Variants in PKD1L1 observed in about 807,000 individuals in gnomAD.
The protein encoded by PKD1L1 is polycystin-1-like protein 1.
Under a neutral mutation model 323.4 loss-of-function variants are expected in PKD1L1, and 236 were observed. That is an observed-to-expected ratio of 0.73 (90% CI 0.66 to 0.81). PKD1L1 has a LOEUF of 0.81. PKD1L1 is among the 40% of genes least tolerant of loss of function. The probability of loss-of-function intolerance (pLI) is 0.00; values close to 1 mark genes in which losing one functional copy is unlikely to be tolerated. For synonymous variants in PKD1L1, 1,344 were observed against 1,335.0 expected (o/e 1.01, Z -0.15); for missense variants, 3,320 against 3,508.0 (o/e 0.95, Z 1.35).
chr7:47,801,804 G>C (rs753832246), intron 53 of PKD1L1, among the ~76,000 whole-genome samples: 1 of 152,194 alleles, frequency 6.6e-6, no homozygotes, highest in East Asian at 1.9e-4. Context: ...GTCTCCCCTT[G>C]ATGCCTATGC....
Position 47,902,650 on chromosome 7 carries a change from C to G in PKD1L1, c.1932-139G>C. 4 of 1,063,686 alleles carry G rather than the reference C, an allele frequency of 3.8e-6. No homozygotes were observed. The South Asian group carries it at 6.6e-5, about 18-fold the overall frequency. 65.9% of individuals were successfully genotyped at this position (1,063,686 alleles called of 1,614,324 possible). Reference sequence around the variant, plus strand: ...ATCCCATGAATAAGAACAGAAGAGTCAAGGGTCACAAGACTGATTTCCACA... The same window carrying G: ...ATCCCATGAATAAGAACAGAAGAGTGAAGGGTCACAAGACTGATTTCCACA... On this transcript the variant is annotated intron_variant, in intron 12 of 56. Transcript: ENST00000289672.
Position 47,837,106 on chromosome 7 carries a change from A to G in PKD1L1, c.5770-12T>C, listed in dbSNP as rs751702993. 2 of 1,613,330 alleles carry G rather than the reference A, an allele frequency of 1.2e-6. No homozygotes were observed. Among genetic ancestry groups the G allele is most frequent in the Admixed American group, 1.7e-5 (1 of 59,990 alleles). On this transcript the variant is annotated splice_polypyrimidine_tract_variant and intron_variant, in intron 36 of 56. Coordinates refer to ENST00000289672, the MANE Select transcript of PKD1L1 (RefSeq NM_138295.5). The stretch of plus-strand genomic sequence containing the variant: ...TTGCAATAGAAAAGCTGAAACGGAA[A>G]GCAGGAGAAGTGTTCCCTGACATGG...
In PKD1L1 at chr7:47,845,010, AT is replaced by A; in HGVS notation, c.5221del (p.Ile1741PhefsTer21). ...KLKASFEVSD[I>X]SKLQSHPENL... Reference sequence around the variant, plus strand: ...TGGAACTTACCTCTGTAGCTTGGAAATGTCACTCACTTCAAAACTGGCCTTC... The same window carrying A: ...TGGAACTTACCTCTGTAGCTTGGAAAGTCACTCACTTCAAAACTGGCCTTC... On this transcript the variant is annotated frameshift_variant, in exon 33 of 57. Coordinates refer to ENST00000289672, the MANE Select transcript of PKD1L1 (RefSeq NM_138295.5). LOFTEE classifies it high-confidence loss of function. 1.2e-6 allele frequency: 2 copies of A among 1,613,776 alleles called. No homozygotes were observed. Among genetic ancestry groups the A allele is most frequent in the Non-Finnish European group, 1.7e-6 (2 of 1,179,784 alleles).
intron 22 of PKD1L1, among the ~76,000 whole-genome samples, chr7:47,876,426 C>T (rs937707484): frequency 1.1e-4 from 17 of 152,128 alleles, no homozygotes; most frequent in African/African-American, 3.9e-4. Flanking sequence ...AAGGGCTCCT[C>T]GAACAACACT....
At chr7:47,901,051 A>C (rs1162373799) in intron 13 of PKD1L1, among the ~76,000 whole-genome samples, 2 of 152,160 alleles carry the variant, frequency 1.3e-5, no homozygotes, top group Non-Finnish European at 2.9e-5. Flanking sequence ...TAAAATAAAG[A>C]AAAAATGACC....
intron 56 of PKD1L1, among the ~76,000 whole-genome samples, chr7:47,791,793 C>A (rs1408823189): frequency 6.6e-6 from 1 of 152,134 alleles, no homozygotes; most frequent in Admixed American, 6.6e-5. Flanking sequence ...TCCTTCATTG[C>A]CACTCAGTCA....
chr7:47,775,182 G>GA lies in PKD1L1; in HGVS notation c.8527-17dup. 6.2e-7 allele frequency: 1 copy of GA among 1,613,858 alleles called. No individual in the cohort carries two copies. The highest frequency in any genetic ancestry group is 1.7e-5 in the Admixed American group (1 of 59,964). On this transcript the variant is annotated splice_polypyrimidine_tract_variant and intron_variant, in intron 56 of 56. Coordinates refer to ENST00000289672, the MANE Select transcript of PKD1L1 (RefSeq NM_138295.5). Reference sequence around the variant, plus strand: ...TGTCTGCTGGCTAAAAAGAAAAAATGAAAAACATACTGAAACAACACCCCT... The same window carrying GA: ...TGTCTGCTGGCTAAAAAGAAAAAATGAAAAAACATACTGAAACAACACCCCT...
chr7:47,825,565 TA>T (rs1785226515), intron 45 of PKD1L1, among the ~76,000 whole-genome samples: 1 of 152,094 alleles, frequency 6.6e-6, no homozygotes, highest in South Asian at 2.1e-4. Flanking sequence ...AAAACTTTGT[TA>T]CAAGTATTTT....
intron 26 of PKD1L1, among the ~76,000 whole-genome samples, chr7:47,861,508 G>A (rs1477904370): frequency 6.6e-6 from 1 of 152,198 alleles, no homozygotes; most frequent in Non-Finnish European, 1.5e-5. Context: ...TGCCTACACA[G>A]GGAAGATGCC....
chr7:47,832,450 G>A (rs1583604552), intron 41 of PKD1L1, among the ~76,000 whole-genome samples: 1 of 152,212 alleles, frequency 6.6e-6, no homozygotes, highest in East Asian at 1.9e-4. Context: ...GTAAGGTGCT[G>A]TGCAGCCTGG....
In PKD1L1 at chr7:47,815,378, G is replaced by A; in HGVS notation, c.7045C>T (p.Leu2349=). 1.9e-6 allele frequency: 3 copies of A among 1,614,144 alleles called. No homozygotes were observed. Residue 2349 remains leucine, a synonymous_variant, in exon 47 of 57, where the codon CTG becomes TTG. Transcript: ENST00000289672. ...GCTGACGGGGTGCCTCCCGGGTACA[G>A]GCCATCCAGAAGTGTGGTCAGACTC... ...DWSLTTLLDG[L]YPGGTPSARV... is the part of the protein sequence containing the mutation.
intron 3 of PKD1L1, among the ~76,000 whole-genome samples, chr7:47,938,399 C>T (rs552147338): frequency 1.3e-5 from 2 of 152,250 alleles, no homozygotes; most frequent in African/African-American, 4.8e-5. Context: ...AGAGCAGGAC[C>T]TGGGTAGATC....
chr7:47,867,188 C>T (rs1236969631), intron 24 of PKD1L1, among the ~76,000 whole-genome samples: 1 of 152,162 alleles, frequency 6.6e-6, no homozygotes, highest in Non-Finnish European at 1.5e-5. Context: ...CGCAGTGGGT[C>T]ATTGCAAGAA....
At chr7:47,870,482 A>G (rs1786259164) in intron 24 of PKD1L1, among the ~76,000 whole-genome samples, 1 of 151,952 alleles carries the variant, frequency 6.6e-6, no homozygotes, top group South Asian at 2.1e-4. Context: ...ACCATACAAA[A>G]CTGTATGCCA....
chr7:47,801,053 A>G (rs891466006), intron 53 of PKD1L1, among the ~76,000 whole-genome samples, 174 bp from the exon 54 acceptor site: 3 of 151,858 alleles, frequency 2.0e-5, no homozygotes, highest in African/African-American at 4.8e-5. Context: ...CCTCTCACCC[A>G]TCTCCCAGGC....
chr7:47,900,119 C>G (rs1787053162), intron 13 of PKD1L1, among the ~76,000 whole-genome samples: 1 of 152,046 alleles, frequency 6.6e-6, no homozygotes, highest in Non-Finnish European at 1.5e-5. Flanking sequence ...TGTTTCTATT[C>G]TGAATATGAT....
chr7:47,873,667 AAAAAGAAGG>A (rs2074284639), intron 24 of PKD1L1, among the ~76,000 whole-genome samples: 1 of 145,330 alleles, frequency 6.9e-6, no homozygotes, highest in Non-Finnish European at 1.5e-5. Flanking sequence ...AAAAAAAAAA[AAAAAGAAGG>A]AGAAGAAAGT....
intron 50 of PKD1L1, among the ~76,000 whole-genome samples, chr7:47,810,055 T>A (rs748090883): frequency 6.6e-6 from 1 of 152,222 alleles, no homozygotes; most frequent in Non-Finnish European, 1.5e-5. Context: ...TATGTGATTC[T>A]CTCTCCAGTG....
Position 47,946,062 on chromosome 7 carries a change from T to C in PKD1L1, c.44+2335A>G, listed in dbSNP as rs946125058. On this transcript the variant is annotated intron_variant, in intron 1 of 56. Transcript: ENST00000289672. The surrounding 1 kb of genome is among the most constrained non-coding windows in gnomAD (Gnocchi z 4.1). The stretch of plus-strand genomic sequence containing the variant: ...GATAATTTAAATACAAGGGAGGCTC[T>C]TTTTCCTGGTGTTGTGAGGAGGCAG... Among the ~76,000 whole-genome samples the C allele has an allele frequency of 2.6e-5, 4 of 152,110 alleles. No homozygotes were observed. The highest frequency in any genetic ancestry group is 5.9e-5 in the Non-Finnish European group (4 of 68,036).
Sources: gnomAD v4.1 joint callset for allele counts (sites outside exome capture counted in the v4.1 genomes callset) on GRCh38, gnomAD v4.1.1 for gene constraint, Gnocchi (gnomAD v3.1) non-coding constraint, MANE v1.5 for transcripts, NCBI Gene and HGNC (gene_info 2026-07-23, HGNC 2026-07-21) for gene names.